Variants in ABCB9 observed in about 807,000 individuals in gnomAD.
ABCB9 encodes the protein ATP binding cassette subfamily B member 9.
Under a neutral mutation model 62.0 loss-of-function variants are expected in ABCB9, and 36 were observed. That is an observed-to-expected ratio of 0.58 (90% CI 0.45 to 0.77). The LOEUF (loss-of-function observed/expected upper bound fraction) is 0.77, where lower values mean the gene tolerates loss of function less well. ABCB9 is among the 30% of genes least tolerant of loss of function. ABCB9 has a pLI of 0.00. For synonymous variants in ABCB9, 435 were observed against 461.4 expected (o/e 0.94, Z 0.73); for missense variants, 943 against 1,054.7 (o/e 0.89, Z 1.47).
rs996983164 is a variant in ABCB9 at position 122,944,250 on chromosome 12, G to T, written c.1380+141C>A. On this transcript the variant is annotated intron_variant, in intron 7 of 11. Transcript: ENST00000280560. This position sits in a 1 kb window ranked among gnomAD's most constrained non-coding sequence, Gnocchi z 4.9. ...TGCCTAGTATTATCATTCTTGATAT[G>T]ATCATGCTGTCTCCCCTACTTACCT... The T allele has an allele frequency of 2.3e-6, 3 of 1,283,366 alleles. No individual in the cohort carries two copies. The highest frequency in any genetic ancestry group is 3.2e-6 in the Non-Finnish European group (3 of 942,018). 79.5% of individuals were successfully genotyped at this position (1,283,366 alleles called of 1,614,324 possible).
Position 122,930,035 on chromosome 12 carries a change from T to C in ABCB9, c.2177A>G (p.Gln726Arg), listed in dbSNP as rs777845065. ...GRVVQQGTHQ[Q>R]LLAQGGLYAK... is the part of the protein sequence containing the mutation. Reference sequence around the variant, plus strand: ...GTAGAGGCCGCCCTGGGCCAGCAGCTGCTGGTGGGTGCCCTGCTGCACTAC... The same window carrying C: ...GTAGAGGCCGCCCTGGGCCAGCAGCCGCTGGTGGGTGCCCTGCTGCACTAC... Residue 726 changes from glutamine to arginine, a missense_variant, in exon 12 of 12, where the codon CAG (glutamine) becomes CGG (arginine). Coordinates refer to ENST00000280560, the MANE Select transcript of ABCB9 (RefSeq NM_019625.4). The surrounding 1 kb of genome is among the most constrained non-coding windows in gnomAD (Gnocchi z 4.9). The C allele has an allele frequency of 1.9e-6, 3 of 1,572,200 alleles. No homozygotes were observed. The highest frequency in any genetic ancestry group is 1.3e-5 in the African/African-American group (1 of 74,412).
chr12:122,964,110 G>A lies in ABCB9; in HGVS notation c.-88+2177C>T, dbSNP rs769239658. Among the ~76,000 whole-genome samples the A allele has an allele frequency of 5.9e-5, 9 of 152,152 alleles. No individual in the cohort carries two copies. The highest frequency in any genetic ancestry group is 4.1e-4 in the South Asian group (2 of 4,834). On this transcript the variant is annotated intron_variant, in intron 1 of 11. Coordinates refer to ENST00000280560, the MANE Select transcript of ABCB9 (RefSeq NM_019625.4). The surrounding 1 kb of genome is among the most constrained non-coding windows in gnomAD (Gnocchi z 4.7). ...AGCCGCCTCAGCTGCTGCTCTCCTC[G>A]TGGTGGGCACATGGGGTCCCTCAGT...
In ABCB9 at chr12:122,932,241, A is replaced by C; in HGVS notation, c.1991T>G (p.Leu664Arg). The change falls in exon 11 of 12, where the codon CTC (leucine) becomes CGC (arginine). Residue 664 changes from leucine (L) to arginine (R), a missense_variant. Leu to Arg is a moderately radical substitution (Grantham distance 102). Transcript: ENST00000280560. This position sits in a 1 kb window ranked among gnomAD's most constrained non-coding sequence, Gnocchi z 4.7. ...ARALVRNPPV[L>R]ILDEATSALD... ...AGCGCTGGTGGCTTCATCCAGGATG[A>C]GGACTGGGGGGTTCCGCACCAGAGC... is the stretch of plus-strand genomic sequence containing the variant. The C allele has an allele frequency of 6.4e-7, 1 of 1,552,296 alleles. No homozygotes were observed.
chr12:122,953,286 C>T (rs1158928456), intron 2 of ABCB9, among the ~76,000 whole-genome samples: 5 of 151,722 alleles, frequency 3.3e-5, no homozygotes, highest in African/African-American at 9.7e-5. Context: ...GATCTCAGCT[C>T]ACTGCAACCT....
At chr12:122,943,970 G>A (rs955447412) in intron 7 of ABCB9, among the ~76,000 whole-genome samples, 31 of 149,824 alleles carry the variant, frequency 2.1e-4, no homozygotes, top group African/African-American at 7.2e-4. Flanking sequence ...ACGGAGTCTC[G>A]CTCTGTCACC....
Position 122,959,647 on chromosome 12 carries a change from C to T in ABCB9, c.589G>A (p.Val197Met), listed in dbSNP as rs1041300147. 20 of 1,560,944 alleles carry T rather than the reference C, an allele frequency of 1.3e-5. No homozygotes were observed. The highest frequency in any genetic ancestry group is 6.8e-5 in the East Asian group (3 of 44,066). Residue 197 changes from valine (V) to methionine (M), a missense_variant, in exon 2 of 12, where the codon GTG becomes ATG. Coordinates refer to ENST00000280560, the MANE Select transcript of ABCB9 (RefSeq NM_019625.4). The surrounding 1 kb of genome is among the most constrained non-coding windows in gnomAD (Gnocchi z 5.4). ...FLVAASFFLI[V>M]AALGETFLPY... is the part of the protein sequence containing the mutation. ...GGTCCTTACTTACCCAGAGCTGCCA[C>T]GATGAGGAAGAAGGAGGCGGCCACG...
rs11612477 is a variant in ABCB9, at chr12:122,935,149, G to T, written c.1903+123C>A. Reference sequence around the variant, plus strand: ...GAGGTTCGAGTCTGGCCAGGGTAACGTAGCGGGACCCCATCTCTACAAAAA... The same window carrying T: ...GAGGTTCGAGTCTGGCCAGGGTAACTTAGCGGGACCCCATCTCTACAAAAA... On this transcript the variant is annotated intron_variant, in intron 10 of 11. Transcript: ENST00000280560. 783 of 1,215,614 alleles carry T rather than the reference G, an allele frequency of 6.4e-4. 1 individual carries two copies. The highest frequency in any genetic ancestry group is 2.0e-3 in the Admixed American group (65 of 33,060). 75.3% of individuals were successfully genotyped at this position (1,215,614 alleles called of 1,614,324 possible).
At position 122,944,977 on chromosome 12, in the gene ABCB9, G is replaced by T. The variant is rs1053510669; in HGVS notation, c.1252-458C>A. ...CATGCCTTCCTCCTGTGCCTGGGGGGCATCTGGGAAGGGAGTGGAGTCTGA... is the reference window on the plus strand; with the variant it reads ...CATGCCTTCCTCCTGTGCCTGGGGGTCATCTGGGAAGGGAGTGGAGTCTGA... On this transcript the variant is annotated intron_variant, in intron 6 of 11. Coordinates refer to ENST00000280560, the MANE Select transcript of ABCB9 (RefSeq NM_019625.4). The surrounding 1 kb of genome is among the most constrained non-coding windows in gnomAD (Gnocchi z 4.9). 1.3e-5 allele frequency among the ~76,000 whole-genome samples: 2 copies of T among 152,222 alleles called. No homozygotes were observed. The highest frequency in any genetic ancestry group is 4.8e-5 in the African/African-American group (2 of 41,448).
chr12:122,960,108 A>G lies in ABCB9; in HGVS notation c.128T>C (p.Ile43Thr), dbSNP rs2036815649. ...SLLEDIRHFN[I>T]FDSVLDLWAA... ...CCAGAGATCCAGCACCGAGTCAAAG[A>G]TGTTGAAGTGGCGGATGTCCTCCAG... Residue 43 changes from isoleucine (I) to threonine (T), a missense_variant, in exon 2 of 12, where the codon ATC (isoleucine) becomes ACC (threonine). By Grantham distance (89) the Ile-to-Thr change is moderately conservative. Transcript: ENST00000280560. 6.2e-7 allele frequency: 1 copy of G among 1,613,532 alleles called. No individual in the cohort carries two copies. Among genetic ancestry groups the G allele is most frequent in the African/African-American group, 1.3e-5 (1 of 74,938 alleles).
At chr12:122,920,200 T>A (rs1387152038), downstream of ABCB9, among the ~76,000 whole-genome samples, 1 of 151,996 alleles carries the variant, frequency 6.6e-6, no homozygotes, top group Admixed American at 6.6e-5. Flanking sequence ...GTTTAAATGG[T>A]CAACTTCCTC....
At position 122,960,186 on chromosome 12, in the gene ABCB9, T is replaced by C. The variant is rs752845533; in HGVS notation, c.50A>G (p.Asp17Gly). 1.2e-6 allele frequency: 2 copies of C among 1,613,414 alleles called. No homozygotes were observed. The highest frequency in any genetic ancestry group is 1.7e-5 in the Admixed American group (1 of 59,996). ...ATAGATGGCCGTGGTCACGCAGATG[T>C]CCACACTCATGAAGGCCAAAGTCAC... is the stretch of plus-strand genomic sequence containing the variant. Reference protein sequence around the residue: ...VVVTLAFMSVDICVTTAIYVF... With the variant: ...VVVTLAFMSVGICVTTAIYVF... The change falls in exon 2 of 12, where the codon GAC (aspartate) becomes GGC (glycine). Residue 17 changes from aspartate (D) to glycine (G), a missense_variant. Physicochemically the swap from Asp to Gly is moderately conservative, Grantham distance 94. Coordinates refer to ENST00000280560, the MANE Select transcript of ABCB9 (RefSeq NM_019625.4).
chr12:122,936,030 A>T (rs942628425), intron 9 of ABCB9, among the ~76,000 whole-genome samples: 2 of 152,008 alleles, frequency 1.3e-5, no homozygotes, highest in African/African-American at 4.8e-5. Context: ...ACACAGAAAG[A>T]CCCCATATCT....
rs911732920 is a variant in ABCB9, at chr12:122,940,062, G to A, written c.1743+49C>T. On this transcript the variant is annotated intron_variant, in intron 9 of 11. Coordinates refer to ENST00000280560, the MANE Select transcript of ABCB9 (RefSeq NM_019625.4). The surrounding 1 kb of genome is among the most constrained non-coding windows in gnomAD (Gnocchi z 4.8). The stretch of plus-strand genomic sequence containing the variant: ...CCTGTTACAGCTCACAAGAAAGACG[G>A]TTAGATGCAGAAAGGGCGGAGAAGT... 5 of 1,567,684 alleles carry A rather than the reference G, an allele frequency of 3.2e-6. No homozygotes were observed. The highest frequency in any genetic ancestry group is 3.8e-5 in the Admixed American group (2 of 52,496).
upstream of ABCB9, among the ~76,000 whole-genome samples, chr12:122,970,302 C>T (rs898210981): frequency 2.0e-5 from 3 of 152,152 alleles, no homozygotes; most frequent in Non-Finnish European, 4.4e-5. Context: ...GGCTGCAGGG[C>T]AGTGGTGTGA....
At chr12:122,967,638 G>A (rs1349639673), upstream of ABCB9, among the ~76,000 whole-genome samples, 1 of 152,182 alleles carries the variant, frequency 6.6e-6, no homozygotes, top group Non-Finnish European at 1.5e-5. Context: ...ACAGGTGTCC[G>A]CTACCACGCC....
intron 9 of ABCB9, 137 bp from the exon 10 acceptor site, chr12:122,935,568 G>T: frequency 9.9e-7 from 1 of 1,012,940 alleles, no homozygotes; most frequent in Non-Finnish European, 1.4e-6. Context: ...TGACTGCACT[G>T]AGCTGCCTCT....
At chr12:122,942,703 C>T (rs1471584467) in intron 7 of ABCB9, among the ~76,000 whole-genome samples, 2 of 151,276 alleles carry the variant, frequency 1.3e-5, no homozygotes, top group Non-Finnish European at 1.5e-5. Flanking sequence ...ACTCAAGTGG[C>T]TAAGGTGGGA....
chr12:122,923,340 T>G (rs989304229), intron 11 of ABCB9, among the ~76,000 whole-genome samples: 1 of 152,186 alleles, frequency 6.6e-6, no homozygotes, highest in Admixed American at 6.5e-5. Context: ...CAGGCTGGAG[T>G]GCAGTGGCGC....
chr12:122,952,265 A>G (rs1361595399), intron 2 of ABCB9: 1 of 152,056 alleles, frequency 6.6e-6, no homozygotes, highest in Non-Finnish European at 1.5e-5. Context: ...CGGAATGTCC[A>G]CTCTCCTCTT....
Sources: allele counts gnomAD v4.1 joint callset (sites outside exome capture counted in the v4.1 genomes callset), GRCh38; gene constraint gnomAD v4.1.1; non-coding constraint Gnocchi (gnomAD v3.1); transcripts MANE v1.5; gene names NCBI Gene and HGNC (gene_info 2026-07-23, HGNC 2026-07-21).